Variants in DMD observed in about 807,000 individuals in gnomAD.
DMD encodes the protein dystrophin, also known as mutant dystrophin.
DMD carries 63 observed loss-of-function variants against 330.1 expected under a neutral mutation model. The observed-to-expected ratio is 0.19, with a 90% CI of 0.16 to 0.24. DMD has a LOEUF of 0.24. Among genes scored for constraint, DMD ranks in the 10% least tolerant of loss-of-function variants. The pLI is 1.00. For synonymous variants in DMD, 1,223 were observed against 959.8 expected, an observed-to-expected ratio of 1.27 and a Z score of -5.07; for missense variants, 3,344 against 2,684.1, an observed-to-expected ratio of 1.25 and a Z score of -5.43.
intron 37 of DMD, among the ~76,000 whole-genome samples, chrX:32,360,263 T>C (rs2097826655): frequency 8.9e-6 from 1 of 111,970 alleles, no homozygotes; most frequent in South Asian, 3.7e-4. Context: ...CTCACCACAA[T>C]CTCTAACACA....
chrX:32,131,584 G>T (rs758263823), intron 44 of DMD, among the ~76,000 whole-genome samples: 3 of 111,891 alleles, frequency 2.7e-5, no homozygotes, highest in African/African-American at 6.5e-5. Flanking sequence ...CATTCTTGTC[G>T]CATTGGAAAA....
intron 62 of DMD, among the ~76,000 whole-genome samples, chrX:31,301,217 C>A (rs1275785201): frequency 8.9e-6 from 1 of 111,816 alleles, no homozygotes; most frequent in Non-Finnish European, 1.9e-5. Flanking sequence ...CTCCCCAACA[C>A]CCTCTGTGTT....
At chrX:32,002,037 A>G (rs2095630544) in intron 44 of DMD, among the ~76,000 whole-genome samples, 1 of 111,941 alleles carries the variant, frequency 8.9e-6, no homozygotes, top group African/African-American at 3.2e-5. Flanking sequence ...GATTTCCATT[A>G]GAAAAATCTC....
At position 32,212,944 on chromosome X, in the gene DMD, TA is replaced by T. The variant is rs1569551161; in HGVS notation, c.6438+3971del. On this transcript the variant is annotated intron_variant, in intron 44 of 78. Transcript: ENST00000357033. ...TGGAACCAGATTATCTTTCTACTGC[TA>T]TTGGCAGTCAGTATATTTTGAATGA... Among the ~76,000 whole-genome samples the T allele has an allele frequency of 1.2e-4, 13 of 111,714 alleles. No individual in the cohort carries two copies. The South Asian group carries it at 4.9e-3, about 42-fold the overall frequency.
intron 48 of DMD, among the ~76,000 whole-genome samples, chrX:31,839,895 T>C (rs1247394711): frequency 1.8e-5 from 2 of 112,087 alleles, no homozygotes; most frequent in Non-Finnish European, 3.8e-5. Context: ...AGTTTTGATT[T>C]GTAATTCCAG....
chrX:32,859,387 G>A (rs68091300), intron 2 of DMD, among the ~76,000 whole-genome samples: 1 of 107,365 alleles, frequency 9.3e-6, no homozygotes, highest in African/African-American at 3.4e-5. Flanking sequence ...AGAATCGCTA[G>A]AACTAGGAAG....
At chrX:31,511,953 G>C (rs1354631063) in intron 55 of DMD, among the ~76,000 whole-genome samples, 3 of 109,002 alleles carry the variant, frequency 2.8e-5, no homozygotes, top group Non-Finnish European at 5.7e-5. Context: ...CCCACCAACA[G>C]TGTAGAAGTG....
At chrX:32,429,389 T>TTTTTTTTG (rs1569562219) in intron 29 of DMD, among the ~76,000 whole-genome samples, 48 of 72,605 alleles carry the variant, frequency 6.6e-4, no homozygotes, top group African/African-American at 2.4e-3. Context: ...TTTTTTGGGT[T>TTTTTTTTG]TTTTTTTTTT....
intron 52 of DMD, among the ~76,000 whole-genome samples, chrX:31,719,366 C>T (rs1263620119): frequency 8.9e-6 from 1 of 112,036 alleles, no homozygotes; most frequent in Non-Finnish European, 1.9e-5. Flanking sequence ...GTAATAATCG[C>T]AATTGCTTTC....
chrX:32,925,566 T>G (rs1197650611), intron 2 of DMD, among the ~76,000 whole-genome samples: 1 of 111,224 alleles, frequency 9.0e-6, no homozygotes, highest in East Asian at 2.8e-4. Flanking sequence ...CTAAAGCAAT[T>G]GATGAAACAG....
At chrX:32,405,203 C>T (rs2098110893) in intron 30 of DMD, among the ~76,000 whole-genome samples, 1 of 111,600 alleles carries the variant, frequency 9.0e-6, no homozygotes, top group Non-Finnish European at 1.9e-5. Context: ...AGACCAAATC[C>T]ACCTAAAGAT....
At chrX:31,934,051 C>A (rs1411118473) in intron 45 of DMD, among the ~76,000 whole-genome samples, 1 of 110,218 alleles carries the variant, frequency 9.1e-6, no homozygotes, top group Non-Finnish European at 1.9e-5. Context: ...AAGATATATA[C>A]GTTATATACC....
intron 54 of DMD, among the ~76,000 whole-genome samples, chrX:31,629,574 C>T (rs906663199): frequency 2.7e-5 from 3 of 111,721 alleles, no homozygotes; most frequent in African/African-American, 9.8e-5. Context: ...ATAAATTAAA[C>T]CTCATGTAGT....
chrX:33,312,115 C>A (rs1274984881), intron 1 of DMD, among the ~76,000 whole-genome samples: 1 of 108,065 alleles, frequency 9.3e-6, no homozygotes, highest in African/African-American at 3.4e-5. Flanking sequence ...ACTGGTGGTA[C>A]AATTTTTTAT....
At chrX:32,941,329 T>A (rs142744539) in intron 2 of DMD, among the ~76,000 whole-genome samples, 1 of 111,856 alleles carries the variant, frequency 8.9e-6, no homozygotes, top group Non-Finnish European at 1.9e-5. Context: ...AAAATTGTTT[T>A]AACATAAAGA....
intron 62 of DMD, among the ~76,000 whole-genome samples, chrX:31,310,774 C>T (rs1210185821): frequency 1.0e-5 from 1 of 95,975 alleles, no homozygotes; most frequent in Non-Finnish European, 2.0e-5. Context: ...AGGCTGGCTT[C>T]GAACTCCTGG....
At chrX:32,099,789 G>C (rs2096530813) in intron 44 of DMD, among the ~76,000 whole-genome samples, 1 of 106,004 alleles carries the variant, frequency 9.4e-6, no homozygotes, top group Admixed American at 1.0e-4. Context: ...TATACCTAAT[G>C]TTAAATGAAG....
intron 47 of DMD, among the ~76,000 whole-genome samples, chrX:31,914,746 G>C (rs1337052291): frequency 8.9e-6 from 1 of 112,148 alleles, no homozygotes; most frequent in Non-Finnish European, 1.9e-5. Context: ...GATAGTGGAG[G>C]AGTCGGGGAG....
At chrX:32,543,714 A>G (rs891917725) in intron 17 of DMD, among the ~76,000 whole-genome samples, 1 of 112,069 alleles carries the variant, frequency 8.9e-6, no homozygotes. Flanking sequence ...CATCGTGAGT[A>G]GAGTGCTTGG....
Sources: allele counts gnomAD v4.1 joint callset (sites outside exome capture counted in the v4.1 genomes callset), GRCh38; gene constraint gnomAD v4.1.1; transcripts MANE v1.5; gene names NCBI Gene and HGNC (gene_info 2026-07-23, HGNC 2026-07-21).